The following CELF2 variants were observed in gnomAD, a reference collection of about 807,000 sequenced individuals.
The protein encoded by CELF2 is CUGBP Elav-like family member 2.
In CELF2, 8 loss-of-function variants were observed where a neutral mutation model predicts 62.6. The ratio of observed to expected loss-of-function variants is 0.13; its 90% CI spans 0.07 to 0.23. The LOEUF is 0.23. Ranked by LOEUF, CELF2 falls within the 10% of genes least tolerant of loss-of-function variation. The pLI is 1.00. For missense variants in CELF2, 333 were observed against 671.0 expected (o/e 0.50, Z 5.56); for synonymous variants, 258 against 250.0 (o/e 1.03, Z -0.30).
At position 11,280,989 on chromosome 10, in the gene CELF2, CGTGTGTGTGTGT is replaced by C. The variant is rs60798946; in HGVS notation, c.841+5890_841+5901del. The stretch of plus-strand genomic sequence containing the variant: ...TGGCGTGCGTGTGCATGCCTGTGTG[CGTGTGTGTGTGT>C]GTGTGTGTGTGTGTGTGTGTTCAGA... On this transcript the variant is annotated intron_variant, in intron 8 of 12. Transcript: ENST00000633077. The surrounding 1 kb of genome is among the most constrained non-coding windows in gnomAD (Gnocchi z 7.6). Among the ~76,000 whole-genome samples, 3 of 144,400 alleles carry C rather than the reference CGTGTGTGTGTGT, an allele frequency of 2.1e-5. No individual in the cohort carries two copies. Among genetic ancestry groups the C allele is most frequent in the Non-Finnish European group, 4.6e-5 (3 of 65,510 alleles). 94.7% of individuals were successfully genotyped at this position (144,400 alleles called of 152,430 possible).
chr10:11,013,999 A>G (rs2056872725), upstream of CELF2, among the ~76,000 whole-genome samples: 1 of 152,236 alleles, frequency 6.6e-6, no homozygotes, highest in Non-Finnish European at 1.5e-5. The surrounding 1 kb of genome is among the most constrained non-coding windows in gnomAD (Gnocchi z 4.1). Context: ...CTTAAAATTC[A>G]TGTGGATTTC....
intron 3 of CELF2, among the ~76,000 whole-genome samples, chr10:11,245,649 A>G (rs936217930): frequency 1.3e-5 from 2 of 152,246 alleles, no homozygotes; most frequent in African/African-American, 4.8e-5. Flanking sequence ...TTACGGCAGC[A>G]CAAGCCAATT....
chr10:11,053,566 T>TA (rs113523435), intron 1 of CELF2, among the ~76,000 whole-genome samples: 6,555 of 149,842 alleles, frequency 0.044, 167 homozygotes, highest in Non-Finnish European at 0.053. Flanking sequence ...ACACATTTTT[T>TA]AAAAAAAAAG....
chr10:10,560,669 T>TA, the CELF2 span, among the ~76,000 whole-genome samples: 1 of 151,998 alleles, frequency 6.6e-6, no homozygotes, highest in Non-Finnish European at 1.5e-5. Context: ...CACTACTGGG[T>TA]ATCTACCCAG....
At chr10:10,641,213 G>T in the CELF2 span, among the ~76,000 whole-genome samples, 1 of 152,158 alleles carries the variant, frequency 6.6e-6, no homozygotes, top group Admixed American at 6.5e-5. Flanking sequence ...GTCATGTACA[G>T]GCAAACCAAG....
rs1226355652 is a variant in CELF2 at position 11,255,151 on chromosome 10, T to C, written c.404-2587T>C. Among the ~76,000 whole-genome samples the C allele has an allele frequency of 6.6e-6, 1 of 152,254 alleles. No individual in the cohort carries two copies. Among genetic ancestry groups the C allele is most frequent in the Non-Finnish European group, 1.5e-5 (1 of 68,046 alleles). ...CCAGGCTTCACCAGTTCACAGCGGA[T>C]CCATGCTACTTTGCCTTCTCTGAAG... On this transcript the variant is annotated intron_variant, in intron 4 of 12. Coordinates refer to ENST00000633077, the MANE Select transcript of CELF2 (RefSeq NM_001326342.2). This position sits in a 1 kb window ranked among gnomAD's most constrained non-coding sequence, Gnocchi z 5.5.
the CELF2 span, chr10:10,784,668 C>T: frequency 6.6e-6 from 1 of 152,392 alleles, no homozygotes; most frequent in Admixed American, 6.5e-5. Flanking sequence ...CTTTGTCTCT[C>T]CCTGTGGAGC....
Position 11,223,972 on chromosome 10 carries a change from GTCTGTTGAT to G in CELF2, c.354+6468_354+6476del. Among the ~76,000 whole-genome samples the G allele has an allele frequency of 6.6e-6, 1 of 152,368 alleles. No homozygotes were observed. Among genetic ancestry groups the G allele is most frequent in the Non-Finnish European group, 1.5e-5 (1 of 68,040 alleles). On this transcript the variant is annotated intron_variant, in intron 3 of 12. Coordinates refer to ENST00000633077, the MANE Select transcript of CELF2 (RefSeq NM_001326342.2). This position sits in a 1 kb window ranked among gnomAD's most constrained non-coding sequence, Gnocchi z 5.1. ...CAGGTTGTTTTGGTTTTGGCTGGCA[GTCTGTTGAT>G]TCAGTAATGTTGATGGGCAGTTATT... is the stretch of plus-strand genomic sequence containing the variant.
the CELF2 span, among the ~76,000 whole-genome samples, chr10:10,585,622 C>T: frequency 1.3e-5 from 2 of 152,062 alleles, no homozygotes; most frequent in Non-Finnish European, 2.9e-5. Context: ...GCAGGAAGAA[C>T]AATAAAGTGT....
At chr10:11,229,259 C>T (rs2067732585) in intron 3 of CELF2, among the ~76,000 whole-genome samples, 2 of 152,188 alleles carry the variant, frequency 1.3e-5, no homozygotes, top group Admixed American at 6.5e-5. Flanking sequence ...TCCAAATTTC[C>T]AGTCTGTGTG....
intron 4 of CELF2, among the ~76,000 whole-genome samples, chr10:11,253,990 A>T (rs1164039792): frequency 6.6e-6 from 1 of 152,218 alleles, no homozygotes; most frequent in Non-Finnish European, 1.5e-5. Flanking sequence ...AGTGCGTTTC[A>T]TTTAAACTGA....
chr10:10,887,234 ACAGT>A (rs2061814539), intron 1 of CELF2, among the ~76,000 whole-genome samples: 5 of 151,946 alleles, frequency 3.3e-5, no homozygotes, highest in Non-Finnish European at 5.9e-5. Flanking sequence ...AGCATTTCTG[ACAGT>A]CAGTGTCACT....
At chr10:11,092,599 C>T (rs12416486) in intron 1 of CELF2, among the ~76,000 whole-genome samples, 27,636 of 152,214 alleles carry the variant, frequency 0.18, 2,725 homozygotes, top group Non-Finnish European at 0.23. Flanking sequence ...GGTATGATCT[C>T]ATGGTTTTGA....
the CELF2 span, among the ~76,000 whole-genome samples, chr10:10,685,142 T>A: frequency 6.6e-6 from 1 of 152,136 alleles, no homozygotes; most frequent in African/African-American, 2.4e-5. Context: ...TGGTGTGGTT[T>A]TGATGATCCT....
At chr10:10,976,977 C>T (rs1232489755) in intron 2 of CELF2, among the ~76,000 whole-genome samples, 2 of 151,454 alleles carry the variant, frequency 1.3e-5, no homozygotes, top group African/African-American at 2.5e-5. Flanking sequence ...TTTTTGAGTA[C>T]AGATCCCACC....
intron 2 of CELF2, among the ~76,000 whole-genome samples, chr10:10,987,559 G>A (rs2052917388): frequency 6.6e-6 from 1 of 152,022 alleles, no homozygotes; most frequent in African/African-American, 2.4e-5. Context: ...TTAACTTAGG[G>A]CCCTTGATGT....
At chr10:10,607,226 C>G in the CELF2 span, among the ~76,000 whole-genome samples, 7 of 152,060 alleles carry the variant, frequency 4.6e-5, no homozygotes, top group African/African-American at 1.7e-4. Context: ...TGTAACTGCT[C>G]TTTGGTGCAC....
chr10:10,513,970 C>T, the CELF2 span, among the ~76,000 whole-genome samples: 1 of 152,174 alleles, frequency 6.6e-6, no homozygotes, highest in Non-Finnish European at 1.5e-5. Flanking sequence ...GCCTAGATCC[C>T]TCTCTGAGCA....
chr10:10,764,371 C>G, the CELF2 span, among the ~76,000 whole-genome samples: 5 of 152,218 alleles, frequency 3.3e-5, no homozygotes, highest in Non-Finnish European at 5.9e-5. Context: ...TCACCCTTAG[C>G]CATTTTTATC....
Sources: allele counts gnomAD v4.1 joint callset (sites outside exome capture counted in the v4.1 genomes callset), GRCh38; gene constraint gnomAD v4.1.1; non-coding constraint Gnocchi (gnomAD v3.1); transcripts MANE v1.5; gene names NCBI Gene and HGNC (gene_info 2026-07-23, HGNC 2026-07-21).